Variants in RBMS3 observed in about 807,000 individuals in gnomAD.
RBMS3 encodes RNA binding motif single stranded interacting protein 3.
A neutral mutation model predicts 66.8 loss-of-function variants in RBMS3; 27 were observed. The ratio of observed to expected loss-of-function variants is 0.40; its 90% CI spans 0.30 to 0.56. RBMS3 has a LOEUF of 0.56. Ranked by LOEUF, RBMS3 falls within the 20% of genes least tolerant of loss-of-function variation. The probability of loss-of-function intolerance (pLI) is 0.40; values close to 1 mark genes in which losing one functional copy is unlikely to be tolerated. For synonymous variants in RBMS3, 188 were observed against 183.0 expected, an observed-to-expected ratio of 1.03 and a Z score of -0.22; for missense variants, 513 against 549.5, an observed-to-expected ratio of 0.93 and a Z score of 0.66.
intron 6 of RBMS3, among the ~76,000 whole-genome samples, chr3:29,831,946 C>A (rs1181047647): frequency 1.3e-5 from 2 of 152,030 alleles, no homozygotes; most frequent in African/African-American, 4.8e-5. Flanking sequence ...CTCAAATCAG[C>A]TTTGGTGTGT....
chr3:29,579,554 C>T (rs993933095), intron 3 of RBMS3, among the ~76,000 whole-genome samples: 3 of 152,136 alleles, frequency 2.0e-5, no homozygotes, highest in Admixed American at 6.5e-5. Flanking sequence ...TTAAAGTGTT[C>T]AGTCATAGCC....
At chr3:29,625,606 G>A (rs2049030981) in intron 4 of RBMS3, among the ~76,000 whole-genome samples, 2 of 151,918 alleles carry the variant, frequency 1.3e-5, no homozygotes, top group African/African-American at 2.4e-5. Context: ...GCTGAGAGAG[G>A]AGAATCACTT....
chr3:29,672,216 C>A (rs2051033779), intron 4 of RBMS3, among the ~76,000 whole-genome samples: 1 of 152,154 alleles, frequency 6.6e-6, no homozygotes, highest in Non-Finnish European at 1.5e-5. Context: ...AAATAAAATT[C>A]TTTACAGACA....
At chr3:29,848,245 A>G (rs1196038613) in intron 6 of RBMS3, among the ~76,000 whole-genome samples, 1 of 152,118 alleles carries the variant, frequency 6.6e-6, no homozygotes, top group Non-Finnish European at 1.5e-5. Context: ...TCAGGCATAG[A>G]TGCATTTACA....
chr3:29,541,177 C>T, intron 3 of RBMS3, among the ~76,000 whole-genome samples: 1 of 152,098 alleles, frequency 6.6e-6, no homozygotes, highest in South Asian at 2.1e-4. Context: ...ACTTTAAATG[C>T]CATCTACATG....
intron 4 of RBMS3, among the ~76,000 whole-genome samples, chr3:29,717,150 C>A (rs1373856864): frequency 1.3e-5 from 2 of 151,738 alleles, no homozygotes; most frequent in Non-Finnish European, 2.9e-5. Context: ...GCCTCCTCTG[C>A]AAAATAGTGA....
At chr3:29,485,787 T>C (rs911465949) in intron 2 of RBMS3, among the ~76,000 whole-genome samples, 1 of 152,172 alleles carries the variant, frequency 6.6e-6, no homozygotes, top group Non-Finnish European at 1.5e-5. Flanking sequence ...CTCAGGTGTC[T>C]ATTTCCAGGC....
chr3:29,905,588 C>T (rs2060357245), intron 10 of RBMS3, among the ~76,000 whole-genome samples: 1 of 152,014 alleles, frequency 6.6e-6, no homozygotes, highest in South Asian at 2.1e-4. Context: ...AAATGCTCTT[C>T]TGTCCTGCTT....
At chr3:29,285,110 T>G (rs1179054875) in intron 1 of RBMS3, among the ~76,000 whole-genome samples, 2 of 151,256 alleles carry the variant, frequency 1.3e-5, no homozygotes, top group African/African-American at 4.9e-5. Context: ...AATGTTTGAT[T>G]AGTTGTAATC....
chr3:29,506,366 G>T (rs1017786766), intron 3 of RBMS3, among the ~76,000 whole-genome samples: 3 of 151,768 alleles, frequency 2.0e-5, no homozygotes, highest in African/African-American at 4.8e-5. Flanking sequence ...TTCTGTTAAG[G>T]TGATTTATCA....
chr3:29,717,756 TA>T (rs1280539508), intron 4 of RBMS3, among the ~76,000 whole-genome samples: 2 of 152,292 alleles, frequency 1.3e-5, no homozygotes, highest in East Asian at 3.9e-4. Context: ...GATTCTAGTA[TA>T]AACTTCAAAA....
At chr3:29,579,919 A>T (rs2047265571) in intron 3 of RBMS3, among the ~76,000 whole-genome samples, 1 of 152,310 alleles carries the variant, frequency 6.6e-6, no homozygotes, top group South Asian at 2.1e-4. Flanking sequence ...AATGATTCTG[A>T]TACTCATTTT....
intron 1 of RBMS3, among the ~76,000 whole-genome samples, chr3:29,412,061 A>G (rs541581794): frequency 6.6e-6 from 1 of 152,380 alleles, no homozygotes; most frequent in Admixed American, 6.5e-5. Flanking sequence ...TTAGTTTATA[A>G]TAGAAAAGAC....
chr3:29,847,732 T>C (rs1441344101), intron 6 of RBMS3, among the ~76,000 whole-genome samples: 1 of 152,076 alleles, frequency 6.6e-6, no homozygotes, highest in Non-Finnish European at 1.5e-5. Context: ...CTCGGCTCAC[T>C]GCAGGCTCCG....
At chr3:29,979,844 G>A (rs570031766) in intron 12 of RBMS3, among the ~76,000 whole-genome samples, 40 of 151,906 alleles carry the variant, frequency 2.6e-4, no homozygotes, top group South Asian at 1.0e-3. Flanking sequence ...ATTGAAGGGC[G>A]TTTGGGTTGG....
At chr3:29,727,760 G>T (rs1225243257) in intron 4 of RBMS3, among the ~76,000 whole-genome samples, 1 of 152,220 alleles carries the variant, frequency 6.6e-6, no homozygotes, top group Admixed American at 6.5e-5. Context: ...CTGTTGGTGG[G>T]AGTGTAAATT....
At chr3:29,994,403 A>C (rs2125383369) in intron 14 of RBMS3, among the ~76,000 whole-genome samples, 1 of 152,352 alleles carries the variant, frequency 6.6e-6, no homozygotes, top group South Asian at 2.1e-4. Flanking sequence ...AGCATCCCGG[A>C]AGCTCCAACT....
chr3:29,937,620 T>C (rs1000069895), intron 11 of RBMS3, among the ~76,000 whole-genome samples: 2 of 151,954 alleles, frequency 1.3e-5, no homozygotes, highest in African/African-American at 4.8e-5. Flanking sequence ...TAAAAAGCAG[T>C]CGATGGTAAC....
chr3:29,595,377 C>T (rs376545563), intron 4 of RBMS3, among the ~76,000 whole-genome samples: 14 of 134,968 alleles, frequency 1.0e-4, no homozygotes, highest in South Asian at 9.2e-4. Flanking sequence ...CCAGCCTGGG[C>T]GACAGTGTAA....
Sources: gnomAD v4.1 joint callset for allele counts (sites outside exome capture counted in the v4.1 genomes callset) on GRCh38, gnomAD v4.1.1 for gene constraint, MANE v1.5 for transcripts, NCBI Gene and HGNC (gene_info 2026-07-23, HGNC 2026-07-21) for gene names.